Variants in MOV10L1 observed in about 807,000 individuals in gnomAD.
The protein encoded by MOV10L1 is Mov10 like RNA helicase 1.
Under a neutral mutation model 143.8 loss-of-function variants are expected in MOV10L1, and 110 were observed. The observed-to-expected ratio is 0.76, with a 90% CI of 0.66 to 0.90. The LOEUF is 0.90. MOV10L1 is among the 40% of genes least tolerant of loss of function. The probability of loss-of-function intolerance (pLI) is 0.00; values close to 1 mark genes in which losing one functional copy is unlikely to be tolerated. For synonymous variants in MOV10L1, 593 were observed against 581.1 expected (o/e 1.02, Z -0.29); for missense variants, 1,406 against 1,526.8 (o/e 0.92, Z 1.32).
intron 18 of MOV10L1, among the ~76,000 whole-genome samples, chr22:50,145,406 A>G (rs2063125213): frequency 6.6e-6 from 1 of 152,212 alleles, no homozygotes; most frequent in Admixed American, 6.5e-5. Context: ...TGGGCGACAG[A>G]GCAAGAGCAA....
At chr22:50,161,205 G>A in intron 26 of MOV10L1, 150 bp downstream of exon 26, 1 of 1,038,594 alleles carries the variant, frequency 9.6e-7, no homozygotes, top group Non-Finnish European at 1.4e-6. Flanking sequence ...CTGGGCTGCA[G>A]CAGCCACTGT....
intron 16 of MOV10L1, among the ~76,000 whole-genome samples, chr22:50,142,835 C>CA (rs2063029568): frequency 1.3e-5 from 2 of 150,360 alleles, no homozygotes; most frequent in African/African-American, 2.5e-5. Flanking sequence ...GACCCTGTCT[C>CA]AAAAAAGAAA....
intron 13 of MOV10L1, among the ~76,000 whole-genome samples, chr22:50,132,375 A>G (rs182402475): frequency 2.6e-5 from 4 of 152,254 alleles, no homozygotes; most frequent in East Asian, 1.9e-4. Flanking sequence ...CATTGAACCT[A>G]TGGGTCGGTT....
At chr22:50,145,976 G>T (rs940434401) in intron 19 of MOV10L1, among the ~76,000 whole-genome samples, 166 bp downstream of exon 19, 9 of 152,184 alleles carry the variant, frequency 5.9e-5, no homozygotes, top group African/African-American at 2.2e-4. Flanking sequence ...CCTGAATGGA[G>T]CTGGGGAAGC....
chr22:50,134,456 C>A, intron 14 of MOV10L1, 74 bp from the exon 15 acceptor site: 1 of 1,222,638 alleles, frequency 8.2e-7, no homozygotes, highest in Non-Finnish European at 1.2e-6. Flanking sequence ...TAGGGTCAGC[C>A]ATAAACAACC....
chr22:50,090,865 G>T, intron 1 of MOV10L1: 2 of 281,014 alleles, frequency 7.1e-6, no homozygotes, highest in South Asian at 7.4e-5. Flanking sequence ...TTAGTCGAGG[G>T]GGGGTTCGCC....
intron 13 of MOV10L1, among the ~76,000 whole-genome samples, chr22:50,133,173 T>G (rs1160147565): frequency 6.6e-6 from 1 of 152,202 alleles, no homozygotes; most frequent in Non-Finnish European, 1.5e-5. Flanking sequence ...TGCACTGGCT[T>G]TGTCCCTGGT....
intron 3 of MOV10L1, among the ~76,000 whole-genome samples, chr22:50,103,030 C>T (rs147219578): frequency 1.1e-3 from 164 of 152,274 alleles, no homozygotes; most frequent in African/African-American, 3.9e-3. Flanking sequence ...CAGAGCTGAG[C>T]GGGTCACAGG....
intron 5 of MOV10L1, among the ~76,000 whole-genome samples, chr22:50,111,721 T>C (rs11704054): frequency 6.6e-6 from 1 of 151,914 alleles, no homozygotes; most frequent in Non-Finnish European, 1.5e-5. Flanking sequence ...GCCAGGATGG[T>C]CTCAATCTCC....
At position 50,117,268 on chromosome 22, in the gene MOV10L1, C is replaced by T. The variant is rs144983844; in HGVS notation, c.1371C>T (p.Arg457=). ...ISGEESLIAA[R]EPFSWKKLKS... is the part of the protein sequence containing the mutation. The stretch of plus-strand genomic sequence containing the variant: ...GGGAGGAGTCACTAATTGCTGCGCG[C>T]GAACCATTTTCTTGGAAAAAGCTTA... Residue 457 remains arginine, a synonymous_variant, in exon 9 of 27, where the codon CGC becomes CGT. Coordinates refer to ENST00000262794, the MANE Select transcript of MOV10L1 (RefSeq NM_018995.3). The T allele has an allele frequency of 2.2e-5, 35 of 1,613,816 alleles. No individual in the cohort carries two copies. The highest frequency in any genetic ancestry group is 5.3e-5 in the African/African-American group (4 of 74,852).
At chr22:50,115,304 G>A (rs59000831) in intron 8 of MOV10L1, 58 bp downstream of exon 8, 1 of 1,433,984 alleles carries the variant, frequency 7.0e-7, no homozygotes, top group Non-Finnish European at 9.1e-7. Context: ...ATACTTCTAG[G>A]TTGGGTGTTA....
In MOV10L1 at chr22:50,142,181, G is replaced by A. The variant is rs745345667; in HGVS notation, c.2171G>A (p.Ser724Asn). The change falls in exon 16 of 27, where the codon AGC becomes AAC. Residue 724 changes from serine (S) to asparagine (N), a missense_variant. By Grantham distance (46) the Ser-to-Asn change is conservative. This residue lies in a region of MOV10L1 where 1,233 missense variants were observed against 1,351.4 expected (regional missense o/e 0.91). Transcript: ENST00000262794. ...CTGGCACCCTTTACTGCAGAGATGA[G>A]CGATTGGGGTATGTGCTCATGAGGG... is the stretch of plus-strand genomic sequence containing the variant. ...PVLAPFTAEM[S>N]DWVDEIQTPK... 12 of 1,611,764 alleles carry A rather than the reference G, an allele frequency of 7.4e-6. 1 individual carries two copies. In the South Asian group the frequency reaches 9.9e-5, roughly 13 times the overall value.
rs1301408036 is a variant in MOV10L1 at position 50,158,072 on chromosome 22, G to A, written c.3082G>A (p.Glu1028Lys). The change falls in exon 23 of 27, where the codon GAG (glutamate) becomes AAG (lysine). Residue 1028 changes from glutamate (E) to lysine (K), a missense_variant. Glu to Lys is a moderately conservative substitution (Grantham distance 56). Transcript: ENST00000262794. The surrounding 1 kb of genome is among the most constrained non-coding windows in gnomAD (Gnocchi z 5.0). ...FHGVRGSEAR[E>K]GKSPSWFNPA... ...ATCAACCCAGGGCAGCGAGGCACGG[G>A]AGGGAAAAAGCCCATCGTGGTTCAA... 1 of 1,613,838 alleles carries A rather than the reference G, an allele frequency of 6.2e-7. No individual in the cohort carries two copies. The highest frequency in any genetic ancestry group is 1.7e-5 in the Admixed American group (1 of 59,988).
chr22:50,134,620 C>T lies in MOV10L1; in HGVS notation c.2060C>T (p.Thr687Ile). ...AQDTKSSGQS[T>I]SKKNRKTMTD... ...GACACCAAAAGCAGTGGACAGTCCA[C>T]CAGCAAAAAGGTAGTGCTCAGCAAT... is the stretch of plus-strand genomic sequence containing the variant. Residue 687 changes from threonine (T) to isoleucine (I), a missense_variant, in exon 15 of 27, where the codon ACC becomes ATC. Physicochemically the swap from Thr to Ile is moderately conservative, Grantham distance 89 (BLOSUM62 -1). Around this residue, in one of 3 missense-constraint regions of MOV10L1, gnomAD observed 1,233 missense variants for 1,351.4 expected, o/e 0.91. Transcript: ENST00000262794. The T allele has an allele frequency of 6.2e-7, 1 of 1,614,032 alleles. No homozygotes were observed. The highest frequency in any genetic ancestry group is 8.5e-7 in the Non-Finnish European group (1 of 1,179,950).
chr22:50,090,051 G>T lies in MOV10L1; in HGVS notation c.-38G>T. 1.6e-6 allele frequency: 2 copies of T among 1,213,112 alleles called. No homozygotes were observed. Among genetic ancestry groups the T allele is most frequent in the Non-Finnish European group, 2.1e-6 (2 of 973,512 alleles). The allele number at this position is 1,213,112 out of a possible 1,614,324, so 75.1% of individuals were successfully genotyped here. A position where few individuals can be genotyped will look rare whatever the true frequency, so the allele number is the denominator to read the frequency against. On this transcript the variant is annotated 5_prime_UTR_variant, in exon 1 of 27. Coordinates refer to ENST00000262794, the MANE Select transcript of MOV10L1 (RefSeq NM_018995.3). ...GCGGCGCGGGCGCGTGCGGGCGGCG[G>T]CAGCGGCGGTGACGGCAGCCTAGGC...
intron 10 of MOV10L1, among the ~76,000 whole-genome samples, chr22:50,123,833 A>T (rs749455181): frequency 6.6e-5 from 10 of 152,178 alleles, no homozygotes; most frequent in Non-Finnish European, 4.4e-5. Flanking sequence ...CCTCCTTAGT[A>T]GTAATTGGTC....
At chr22:50,124,376 A>G (rs995773804) in intron 10 of MOV10L1, among the ~76,000 whole-genome samples, 2 of 152,164 alleles carry the variant, frequency 1.3e-5, no homozygotes, top group African/African-American at 4.8e-5. Context: ...TCTTTTGCAC[A>G]TAACGTTGTT....
rs2063133929 is a variant in MOV10L1 at position 50,145,696 on chromosome 22, T to C, written c.2513T>C (p.Ile838Thr). The change falls in exon 19 of 27, where the codon ATT becomes ACT. Residue 838 changes from isoleucine (I) to threonine (T), a missense_variant. Ile to Thr is a moderately conservative substitution (Grantham distance 89). This residue lies in a region of MOV10L1 where 1,233 missense variants were observed against 1,351.4 expected (regional missense o/e 0.91). Transcript: ENST00000262794. ...ACGCCTCCTTGCCCCCAGATAGTTA[T>C]TGACGCCGTCAAACCGTATTGCAGA... ...NATCRFEEIVIDAVKPYCRDG... is the reference protein window; with the variant it reads ...NATCRFEEIVTDAVKPYCRDG... 3.1e-6 allele frequency: 5 copies of C among 1,614,104 alleles called. No individual in the cohort carries two copies. Among genetic ancestry groups the C allele is most frequent in the East Asian group, 2.2e-5 (1 of 44,890 alleles).
intron 10 of MOV10L1, among the ~76,000 whole-genome samples, chr22:50,122,055 G>T (rs2062361782): frequency 6.6e-6 from 1 of 152,002 alleles, no homozygotes; most frequent in South Asian, 2.1e-4. Context: ...CTCCCAAAGT[G>T]CTTGGGATTA....
Sources: allele counts gnomAD v4.1 joint callset (sites outside exome capture counted in the v4.1 genomes callset), GRCh38; gene constraint gnomAD v4.1.1; regional missense constraint gnomAD v4.1.1; non-coding constraint Gnocchi (gnomAD v3.1); transcripts MANE v1.5; gene names NCBI Gene and HGNC (gene_info 2026-07-23, HGNC 2026-07-21).